ANGPT1: variants seen among roughly 807,000 people sequenced by gnomAD.
ANGPT1 encodes the protein angiopoietin-1.
A neutral mutation model predicts 62.2 loss-of-function variants in ANGPT1; 17 were observed. That is an observed-to-expected ratio of 0.27 (90% confidence interval 0.19 to 0.41). The LOEUF (loss-of-function observed/expected upper bound fraction) is 0.41, where lower values mean the gene tolerates loss of function less well. Ranked by LOEUF, ANGPT1 falls within the 10% of genes least tolerant of loss-of-function variation. The pLI is 1.00. For synonymous variants in ANGPT1, 199 were observed against 198.9 expected (o/e 1.00, Z 0.00); for missense variants, 478 against 594.9 (o/e 0.80, Z 2.04).
At chr8:107,357,386 T>C (rs1030069307) in intron 1 of ANGPT1, among the ~76,000 whole-genome samples, 1 of 152,198 alleles carries the variant, frequency 6.6e-6, no homozygotes, top group African/African-American at 2.4e-5. Context: ...ATTGCAAACA[T>C]GTCTCCCTTT....
chr8:107,425,072 A>T (rs181380724), intron 1 of ANGPT1, among the ~76,000 whole-genome samples: 9 of 152,040 alleles, frequency 5.9e-5, no homozygotes, highest in African/African-American at 1.4e-4. Flanking sequence ...ACAGGGTTTC[A>T]CCATCTTGGC....
intron 4 of ANGPT1, among the ~76,000 whole-genome samples, chr8:107,316,118 G>C (rs1451815159): frequency 2.6e-5 from 4 of 152,218 alleles, no homozygotes; most frequent in Non-Finnish European, 5.9e-5. Context: ...ATTGGTATTA[G>C]ATTAGACTTC....
At chr8:107,414,010 T>G (rs1396258727) in intron 1 of ANGPT1, among the ~76,000 whole-genome samples, 2 of 151,994 alleles carry the variant, frequency 1.3e-5, no homozygotes, top group African/African-American at 4.8e-5. Flanking sequence ...TCAGGAAAAA[T>G]GAAGGTCAAG....
chr8:107,425,832 A>G (rs1811027666), intron 1 of ANGPT1, among the ~76,000 whole-genome samples: 3 of 152,084 alleles, frequency 2.0e-5, no homozygotes, highest in African/African-American at 7.2e-5. Flanking sequence ...TCCATCACTG[A>G]TCCCAGAAGC....
chr8:107,369,605 C>T (rs772247890), intron 1 of ANGPT1, among the ~76,000 whole-genome samples: 16 of 152,222 alleles, frequency 1.1e-4, no homozygotes, highest in Admixed American at 2.6e-4. Flanking sequence ...TGCTTTAATG[C>T]TAGAGATGTA....
chr8:107,325,589 TATC>T (rs1815267573), intron 3 of ANGPT1, among the ~76,000 whole-genome samples: 1 of 152,126 alleles, frequency 6.6e-6, no homozygotes, highest in South Asian at 2.1e-4. Flanking sequence ...GTTTGGAAAA[TATC>T]ATGCTATAGT....
intron 1 of ANGPT1, among the ~76,000 whole-genome samples, chr8:107,483,179 T>G (rs1206958753): frequency 1.3e-5 from 2 of 152,216 alleles, no homozygotes; most frequent in African/African-American, 2.4e-5. Context: ...TCAGGGTAAT[T>G]CATTTCCCTA....
intron 6 of ANGPT1, among the ~76,000 whole-genome samples, chr8:107,286,083 T>C (rs183094836): frequency 2.0e-4 from 30 of 152,200 alleles, no homozygotes; most frequent in Admixed American, 5.2e-4. Flanking sequence ...TAAAGCACAA[T>C]TCTTGTTGTA....
chr8:107,380,752 A>C (rs2130273640), intron 1 of ANGPT1, among the ~76,000 whole-genome samples: 1 of 152,246 alleles, frequency 6.6e-6, no homozygotes, highest in African/African-American at 2.4e-5. Flanking sequence ...ATCCCCACTT[A>C]TCCATGTATC....
chr8:107,324,407 C>T lies in ANGPT1; in HGVS notation c.576-2279G>A, dbSNP rs189697967. ...TTGAGAGACAGATCAGATGTGCACA[C>T]AGGGAAAAGGTTGTGTAAAGATTGG... On this transcript the variant is annotated intron_variant, in intron 3 of 8. Transcript: ENST00000517746. Among the ~76,000 whole-genome samples, 3 of 152,034 alleles carry T rather than the reference C, an allele frequency of 2.0e-5. No homozygotes were observed. The East Asian group carries it at 5.8e-4, about 30-fold the overall frequency.
intron 1 of ANGPT1, among the ~76,000 whole-genome samples, chr8:107,389,474 T>C (rs2130298687): frequency 6.6e-6 from 1 of 152,228 alleles, no homozygotes; most frequent in African/African-American, 2.4e-5. Context: ...CACTTCACAA[T>C]AATGAATGTG....
chr8:107,340,986 C>T (rs1306343845), intron 2 of ANGPT1, among the ~76,000 whole-genome samples: 1 of 151,986 alleles, frequency 6.6e-6, no homozygotes, highest in African/African-American at 2.4e-5. Context: ...CAGCATTTTG[C>T]AAAATGATTG....
At chr8:107,358,668 T>C (rs1816100395) in intron 1 of ANGPT1, among the ~76,000 whole-genome samples, 1 of 152,254 alleles carries the variant, frequency 6.6e-6, no homozygotes, top group Non-Finnish European at 1.5e-5. Flanking sequence ...TTTTGGCAGC[T>C]GTAGATCACC....
At chr8:107,270,369 T>G (rs2130066140) in intron 7 of ANGPT1, among the ~76,000 whole-genome samples, 1 of 152,222 alleles carries the variant, frequency 6.6e-6, no homozygotes, top group Middle Eastern at 3.4e-3. Context: ...ATTTTGGCTC[T>G]GAGTTCTCTC....
At chr8:107,464,526 C>T (rs1812152045) in intron 1 of ANGPT1, among the ~76,000 whole-genome samples, 1 of 152,018 alleles carries the variant, frequency 6.6e-6, no homozygotes, top group South Asian at 2.1e-4. Flanking sequence ...GCTGATAATA[C>T]TATGATCAAA....
chr8:107,440,391 T>C (rs1316536555), intron 1 of ANGPT1, among the ~76,000 whole-genome samples: 1 of 152,204 alleles, frequency 6.6e-6, no homozygotes, highest in East Asian at 1.9e-4. Context: ...TCCAATTTCT[T>C]TAGTTTATAG....
In ANGPT1 at chr8:107,356,674, G is replaced by C. The variant is rs577165394; in HGVS notation, c.298-9577C>G. ...GCTAGGGGATAAGAAAGGACTCTGG[G>C]AAGACTTTGAGAGCATGCAAGGAGC... On this transcript the variant is annotated intron_variant, in intron 1 of 8. Coordinates refer to ENST00000517746, the MANE Select transcript of ANGPT1 (RefSeq NM_001146.5). Among the ~76,000 whole-genome samples the C allele has an allele frequency of 1.2e-4, 19 of 152,334 alleles. No homozygotes were observed. The East Asian group carries it at 2.9e-3, about 23-fold the overall frequency.
chr8:107,274,954 T>C (rs1813826678), intron 7 of ANGPT1, among the ~76,000 whole-genome samples: 1 of 152,074 alleles, frequency 6.6e-6, no homozygotes, highest in African/African-American at 2.4e-5. Context: ...GATAAAGACA[T>C]GCCCAGAGCA....
chr8:107,277,607 C>T (rs2130101535), intron 7 of ANGPT1, among the ~76,000 whole-genome samples: 1 of 152,188 alleles, frequency 6.6e-6, no homozygotes, highest in East Asian at 1.9e-4. Context: ...AAACCAAAAA[C>T]AAAACCTTAA....
Sources: gnomAD v4.1 joint callset for allele counts (sites outside exome capture counted in the v4.1 genomes callset) on GRCh38, gnomAD v4.1.1 for gene constraint, MANE v1.5 for transcripts, NCBI Gene and HGNC (gene_info 2026-07-23, HGNC 2026-07-21) for gene names.